The following GTF2I variants were observed in gnomAD, a reference collection of about 807,000 sequenced individuals.
The protein encoded by GTF2I is general transcription factor II-I.
A neutral mutation model predicts 67.6 loss-of-function variants in GTF2I; 12 were observed. That is an observed-to-expected ratio of 0.18 (90% CI 0.11 to 0.29). The LOEUF (loss-of-function observed/expected upper bound fraction) is 0.29, where lower values mean the gene tolerates loss of function less well. GTF2I is among the 10% of genes least tolerant of loss of function. The pLI is 1.00. For synonymous variants in GTF2I, 149 were observed against 197.0 expected, an observed-to-expected ratio of 0.76 and a Z score of 2.04; for missense variants, 271 against 580.1, an observed-to-expected ratio of 0.47 and a Z score of 5.47.
chr7:74,668,367 T>C (rs1413985638), intron 1 of GTF2I, among the ~76,000 whole-genome samples: 1 of 151,294 alleles, frequency 6.6e-6, no homozygotes, highest in Non-Finnish European at 1.5e-5. Flanking sequence ...ATGTAAGAAG[T>C]ATATATAATT....
intron 1 of GTF2I, among the ~76,000 whole-genome samples, chr7:74,685,561 G>A (rs1245560219): frequency 6.6e-6 from 1 of 152,112 alleles, no homozygotes; most frequent in Non-Finnish European, 1.5e-5. Context: ...GAAGTCAGAA[G>A]TTCCAGACCA....
chr7:74,698,256 A>G (rs1257315575), intron 3 of GTF2I, among the ~76,000 whole-genome samples: 1 of 150,028 alleles, frequency 6.7e-6, no homozygotes, highest in Non-Finnish European at 1.5e-5. Context: ...CGCCCGGCCT[A>G]ATTTTTGTAT....
intron 9 of GTF2I, among the ~76,000 whole-genome samples, chr7:74,712,456 A>T (rs1172945168): frequency 1.4e-5 from 2 of 147,620 alleles, no homozygotes; most frequent in African/African-American, 5.0e-5. Context: ...CCTGATGGTG[A>T]TGTGCTTTAC....
At chr7:74,688,691 A>C (rs1443849580) in intron 1 of GTF2I, among the ~76,000 whole-genome samples, 1 of 152,194 alleles carries the variant, frequency 6.6e-6, no homozygotes, top group African/African-American at 2.4e-5. Flanking sequence ...TAGTAAGAAG[A>C]GAAACTTCTC....
chr7:74,706,799 C>A lies in GTF2I; in HGVS notation c.685+366C>A, dbSNP rs587649674. On this transcript the variant is annotated intron_variant, in intron 8 of 34. Transcript: ENST00000573035. ...CTTCTCTGCACTCCTGTTTTCCACT[C>A]TCCAAGGAGACCATTTTCAATTCTC... 3.0e-4 allele frequency among the ~76,000 whole-genome samples: 46 copies of A among 152,292 alleles called. 1 individual carries two copies. The highest frequency in any genetic ancestry group is 2.9e-3 in the Admixed American group (45 of 15,300).
intron 28 of GTF2I, among the ~76,000 whole-genome samples, chr7:74,752,819 TTTAA>T (rs1209065400): frequency 2.2e-5 from 3 of 135,586 alleles, no homozygotes; most frequent in African/African-American, 5.3e-5. Flanking sequence ...CAATTTCAAA[TTTAA>T]TTAGCTCAAA....
At chr7:74,662,389 T>C (rs1804584520) in intron 1 of GTF2I, among the ~76,000 whole-genome samples, 1 of 151,522 alleles carries the variant, frequency 6.6e-6, no homozygotes, top group Middle Eastern at 3.2e-3. Context: ...TTTGTATTTT[T>C]AGTAGAGACG....
intron 3 of GTF2I, among the ~76,000 whole-genome samples, chr7:74,696,075 T>C (rs587672675): frequency 6.6e-6 from 1 of 151,844 alleles, no homozygotes; most frequent in East Asian, 1.9e-4. Flanking sequence ...CACTGCAACC[T>C]CAGCCTCCCA....
intron 1 of GTF2I, among the ~76,000 whole-genome samples, chr7:74,675,361 T>G (rs1415183630): frequency 6.6e-6 from 1 of 152,164 alleles, no homozygotes; most frequent in Non-Finnish European, 1.5e-5. Flanking sequence ...TGTTTGTCTG[T>G]CTGGAGACTA....
At chr7:74,684,580 A>G (rs1584123290) in intron 1 of GTF2I, 3 of 152,262 alleles carry the variant, frequency 2.0e-5, no homozygotes, top group Non-Finnish European at 4.4e-5. Flanking sequence ...AATAGTTTCA[A>G]CTAAGGACTG....
intron 1 of GTF2I, chr7:74,688,905 C>A: frequency 2.1e-6 from 1 of 469,130 alleles, no homozygotes; most frequent in Non-Finnish European, 3.8e-6. Flanking sequence ...TGATATTGAC[C>A]CAATTTTCTG....
chr7:74,713,652 T>C (rs192977647), intron 9 of GTF2I, among the ~76,000 whole-genome samples: 5 of 152,310 alleles, frequency 3.3e-5, no homozygotes, highest in African/African-American at 1.2e-4. Context: ...ATTGACTTAA[T>C]GAGGGCCTCA....
intron 7 of GTF2I, among the ~76,000 whole-genome samples, chr7:74,705,603 G>A (rs2131369012): frequency 6.7e-6 from 1 of 148,286 alleles, no homozygotes; most frequent in African/African-American, 2.5e-5. Context: ...TTTTGCCCAT[G>A]CTAGAGTGAA....
At chr7:74,718,821 G>A in intron 11 of GTF2I, 58 bp from the exon 12 acceptor site, 1 of 840,840 alleles carries the variant, frequency 1.2e-6, no homozygotes, top group Admixed American at 2.7e-5. Context: ...TAAAATGTTG[G>A]AACATATGGA....
chr7:74,714,946 A>T, intron 10 of GTF2I, 30 bp downstream of exon 10: 1 of 1,387,068 alleles, frequency 7.2e-7, no homozygotes, highest in Non-Finnish European at 1.0e-6. Flanking sequence ...ATTCTCCCAC[A>T]TACTGCTTGT....
At chr7:74,668,155 T>C (rs587595987) in intron 1 of GTF2I, among the ~76,000 whole-genome samples, 2 of 147,722 alleles carry the variant, frequency 1.4e-5, no homozygotes, top group Admixed American at 1.4e-4. Context: ...AGTGTATGTA[T>C]AGTTCAGTGG....
chr7:74,726,639 T>C (rs782357734), intron 12 of GTF2I: 3 of 151,588 alleles, frequency 2.0e-5, no homozygotes, highest in Non-Finnish European at 2.9e-5. Flanking sequence ...AGGCCAGGAG[T>C]TTCAGACCAG....
intron 6 of GTF2I, among the ~76,000 whole-genome samples, chr7:74,702,045 C>CAT (rs1554400014): frequency 2.0e-5 from 3 of 152,170 alleles, no homozygotes; most frequent in African/African-American, 7.2e-5. Context: ...GTGACATGAA[C>CAT]ATACTGTCTG....
At position 74,666,696 on chromosome 7, in the gene GTF2I, G is replaced by A. The variant is rs587685881; in HGVS notation, c.-6+8628G>A. Among the ~76,000 whole-genome samples the A allele has an allele frequency of 9.9e-4, 151 of 151,840 alleles. 1 individual carries two copies. Among genetic ancestry groups the A allele is most frequent in the African/African-American group, 3.2e-3 (133 of 41,398 alleles). ...AAAATACAAAAAATTGGCCGGGCAC[G>A]GTGGCTCACACCTGTAATCCCAGCA... On this transcript the variant is annotated intron_variant, in intron 1 of 34. Transcript: ENST00000573035.
Sources: allele counts gnomAD v4.1 joint callset (sites outside exome capture counted in the v4.1 genomes callset), GRCh38; gene constraint gnomAD v4.1.1; transcripts MANE v1.5; gene names NCBI Gene and HGNC (gene_info 2026-07-23, HGNC 2026-07-21).